The following ACOT7 variants were observed in gnomAD, a reference collection of about 807,000 sequenced individuals.
The protein encoded by ACOT7 is acyl-CoA thioesterase 7, also known as cytosolic acyl coenzyme A thioester hydrolase.
ACOT7 carries 12 observed loss-of-function variants against 40.2 expected under a neutral mutation model. The ratio of observed to expected loss-of-function variants is 0.30; its 90% CI spans 0.19 to 0.48. The LOEUF is 0.48. Among genes scored for constraint, ACOT7 ranks in the 20% least tolerant of loss-of-function variants. The pLI is 0.99. For synonymous variants in ACOT7, 228 were observed against 219.5 expected, an observed-to-expected ratio of 1.04 and a Z score of -0.34; for missense variants, 395 against 530.8, an observed-to-expected ratio of 0.74 and a Z score of 2.51.
chr1:6,362,233 C>A (rs1641908108), intron 1 of ACOT7, among the ~76,000 whole-genome samples: 1 of 152,116 alleles, frequency 6.6e-6, no homozygotes, highest in Admixed American at 6.5e-5. Flanking sequence ...GAGTCTGAGA[C>A]CAGCCTGGCC....
chr1:6,305,208 CCCA>C (rs1557641578), intron 6 of ACOT7, among the ~76,000 whole-genome samples: 1 of 149,410 alleles, frequency 6.7e-6, no homozygotes, highest in East Asian at 2.0e-4. Context: ...GGCTGTCCCC[CCCA>C]CATCCTTCCC....
In ACOT7 at chr1:6,356,283, G is replaced by A. The variant is rs189272733; in HGVS notation, c.144-6417C>T. On this transcript the variant is annotated intron_variant, in intron 1 of 8. Transcript: ENST00000361521. ...TCTCCAGCCTGAGGAAACTGCTTCC[G>A]GTTGTCACCTGCCACCTGGTTTGTG... 1.7e-3 allele frequency among the ~76,000 whole-genome samples: 261 copies of A among 152,258 alleles called. 1 individual carries two copies. The highest frequency in any genetic ancestry group is 6.1e-3 in the African/African-American group (254 of 41,570).
intron 1 of ACOT7, among the ~76,000 whole-genome samples, chr1:6,363,145 T>C (rs1184796154): frequency 6.6e-6 from 1 of 152,166 alleles, no homozygotes; most frequent in African/African-American, 2.4e-5. Context: ...AACCAGGCTA[T>C]ACAGAGATGG....
At chr1:6,383,186 C>T (rs1642379144) in intron 1 of ACOT7, among the ~76,000 whole-genome samples, 1 of 149,164 alleles carries the variant, frequency 6.7e-6, no homozygotes, top group African/African-American at 2.5e-5. Context: ...GCTAAGATGG[C>T]AGATTTTTTT....
intron 1 of ACOT7, among the ~76,000 whole-genome samples, chr1:6,382,516 A>G (rs1316467180): frequency 6.6e-6 from 1 of 151,884 alleles, no homozygotes; most frequent in Non-Finnish European, 1.5e-5. Context: ...TATGGCTACA[A>G]ATACGTATAT....
intron 6 of ACOT7, among the ~76,000 whole-genome samples, chr1:6,300,676 G>A (rs201311655): frequency 2.3e-5 from 3 of 128,514 alleles, no homozygotes; most frequent in African/African-American, 7.2e-5. Flanking sequence ...GACCCCACCC[G>A]ATCCTGATGC....
intron 6 of ACOT7, among the ~76,000 whole-genome samples, chr1:6,297,289 C>T (rs757249465): frequency 5.9e-5 from 9 of 152,142 alleles, no homozygotes; most frequent in Admixed American, 3.9e-4. Flanking sequence ...CTGCCTGCCT[C>T]GGCCTCCCAA....
chr1:6,319,207 T>C (rs1024902903), intron 5 of ACOT7, among the ~76,000 whole-genome samples: 9 of 152,220 alleles, frequency 5.9e-5, no homozygotes, highest in African/African-American at 1.7e-4. Context: ...TTTCTTTTTT[T>C]CTTGAGACAA....
chr1:6,315,175 C>G (rs1442248762), intron 6 of ACOT7, among the ~76,000 whole-genome samples: 1 of 152,184 alleles, frequency 6.6e-6, no homozygotes, highest in African/African-American at 2.4e-5. Flanking sequence ...GTCCTCAAGA[C>G]CAAGGCTAGC....
chr1:6,341,859 G>A (rs956539442), intron 2 of ACOT7, among the ~76,000 whole-genome samples: 4 of 152,178 alleles, frequency 2.6e-5, no homozygotes, highest in South Asian at 2.1e-4. Context: ...TGGCCACCTC[G>A]TCTCCTGTCA....
chr1:6,313,475 G>A (rs1167706012), intron 6 of ACOT7, among the ~76,000 whole-genome samples: 1 of 152,168 alleles, frequency 6.6e-6, no homozygotes, highest in African/African-American at 2.4e-5. Flanking sequence ...CTTTTCAGAC[G>A]CGCAAAGCTT....
At chr1:6,326,008 G>A (rs1640788451) in intron 5 of ACOT7, among the ~76,000 whole-genome samples, 1 of 152,150 alleles carries the variant, frequency 6.6e-6, no homozygotes, top group Non-Finnish European at 1.5e-5. Context: ...AACAGAGAAA[G>A]CTGAGTAAGA....
At position 6,318,550 on chromosome 1, in the gene ACOT7, G is replaced by A; in HGVS notation, c.654C>T (p.Ser218=). 1.2e-6 allele frequency: 2 copies of A among 1,614,140 alleles called. No individual in the cohort carries two copies. The highest frequency in any genetic ancestry group is 2.2e-5 in the East Asian group (1 of 44,886). ...PEPNTVSYSQ[S]SLIHLVGPSD... is the part of the protein sequence containing the mutation. ...AAGGCCCCACCAGGTGGATCAAGCT[G>A]GACTGGCTGTAGCTGACAGTGTTCG... is the stretch of plus-strand genomic sequence containing the variant. Residue 218 remains serine (S), a synonymous_variant, in exon 6 of 9, where the codon TCC becomes TCT. Transcript: ENST00000361521.
intron 8 of ACOT7, among the ~76,000 whole-genome samples, chr1:6,266,357 G>A (rs1638852214): frequency 6.6e-6 from 1 of 152,214 alleles, no homozygotes; most frequent in African/African-American, 2.4e-5. Flanking sequence ...GACATACATG[G>A]CTACATCCTG....
chr1:6,287,038 G>A (rs765157727), intron 7 of ACOT7, among the ~76,000 whole-genome samples: 3 of 152,148 alleles, frequency 2.0e-5, no homozygotes, highest in Non-Finnish European at 4.4e-5. Context: ...TGCCTGCCTC[G>A]GCCTCCCAAA....
intron 3 of ACOT7, among the ~76,000 whole-genome samples, chr1:6,335,563 G>A (rs1381196371): frequency 6.6e-6 from 1 of 152,176 alleles, no homozygotes; most frequent in African/African-American, 2.4e-5. Flanking sequence ...CAAACTGCAG[G>A]AAGTAATGGA....
intron 4 of ACOT7, among the ~76,000 whole-genome samples, 174 bp from the exon 5 acceptor site, chr1:6,327,587 C>T (rs979689770): frequency 6.6e-6 from 1 of 152,138 alleles, no homozygotes; most frequent in Admixed American, 6.5e-5. Context: ...TCCCATGTGG[C>T]TCCACTCCCC....
chr1:6,385,813 G>T, intron 1 of ACOT7: 2 of 1,408,496 alleles, frequency 1.4e-6, no homozygotes, highest in Non-Finnish European at 1.8e-6. Context: ...TCCTAGGACC[G>T]CCCCTCCCCC....
At chr1:6,316,271 C>G (rs1337117344) in intron 6 of ACOT7, among the ~76,000 whole-genome samples, 1 of 152,112 alleles carries the variant, frequency 6.6e-6, no homozygotes, top group Non-Finnish European at 1.5e-5. Context: ...CGAGGGAGGA[C>G]AGAGACATGG....
Sources: allele counts gnomAD v4.1 joint callset (sites outside exome capture counted in the v4.1 genomes callset), GRCh38; gene constraint gnomAD v4.1.1; transcripts MANE v1.5; gene names NCBI Gene and HGNC (gene_info 2026-07-23, HGNC 2026-07-21).